Variants in AGMO observed in about 807,000 individuals in gnomAD.
AGMO encodes the protein alkylglycerol monooxygenase, also known as glyceryl-ether monooxygenase.
Under a neutral mutation model 60.2 loss-of-function variants are expected in AGMO, and 75 were observed. The ratio of observed to expected loss-of-function variants is 1.25; its 90% confidence interval spans 1.03 to 1.51. The LOEUF (loss-of-function observed/expected upper bound fraction) is 1.51. AGMO is among the 40% of genes most tolerant of loss of function. The pLI is 0.00. For missense variants in AGMO, 763 were observed against 525.5 expected (o/e 1.45, Z -4.42); for synonymous variants, 261 against 177.1 (o/e 1.47, Z -3.76).
At chr7:15,394,235 T>A in intron 5 of AGMO, 56 bp from the exon 6 acceptor site, 1 of 1,237,520 alleles carries the variant, frequency 8.1e-7, no homozygotes, top group Non-Finnish European at 1.2e-6. Context: ...TGTGTGTTAG[T>A]ATATAAATGC....
intron 12 of AGMO, among the ~76,000 whole-genome samples, chr7:15,234,145 G>A (rs1782346041): frequency 6.6e-6 from 1 of 152,146 alleles, no homozygotes; most frequent in Non-Finnish European, 1.5e-5. Context: ...CCGAAAATGA[G>A]ATTAAATATA....
intron 3 of AGMO, among the ~76,000 whole-genome samples, chr7:15,499,940 T>TAG (rs1783334098): frequency 6.8e-6 from 1 of 146,634 alleles, no homozygotes; most frequent in Non-Finnish European, 1.5e-5. Flanking sequence ...CACATATATA[T>TAG]ATATAATATA....
At position 15,560,282 on chromosome 7, in the gene AGMO, A is replaced by C. The variant is rs1583692688; in HGVS notation, c.127-11T>G. The C allele has an allele frequency of 6.2e-7, 1 of 1,610,740 alleles. No homozygotes were observed. Among genetic ancestry groups the C allele is most frequent in the South Asian group, 1.1e-5 (1 of 90,884 alleles). ...GAAAAATGGAGTTGCCTGGAAAGGA[A>C]GTTGCAGAAAAGAGATGCTATTATG... On this transcript the variant is annotated splice_polypyrimidine_tract_variant and intron_variant, in intron 1 of 12. Coordinates refer to ENST00000342526, the MANE Select transcript of AGMO (RefSeq NM_001004320.2).
At chr7:15,408,651 A>C (rs1784765212) in intron 5 of AGMO, among the ~76,000 whole-genome samples, 1 of 151,892 alleles carries the variant, frequency 6.6e-6, no homozygotes, top group Non-Finnish European at 1.5e-5. Flanking sequence ...ATGTAAAATC[A>C]ATGATATAGG....
intron 12 of AGMO, among the ~76,000 whole-genome samples, chr7:15,239,774 C>T (rs1160677263): frequency 6.6e-6 from 1 of 152,042 alleles, no homozygotes; most frequent in Non-Finnish European, 1.5e-5. Flanking sequence ...ATTAAGTACA[C>T]TTACATATTA....
chr7:15,248,415 T>C (rs1782831147), intron 12 of AGMO, among the ~76,000 whole-genome samples: 1 of 151,572 alleles, frequency 6.6e-6, no homozygotes. Flanking sequence ...TAGAATAGGT[T>C]ATCTAGACCA....
At chr7:15,226,324 T>C (rs1165482128) in intron 12 of AGMO, among the ~76,000 whole-genome samples, 1 of 152,090 alleles carries the variant, frequency 6.6e-6, no homozygotes, top group Non-Finnish European at 1.5e-5. Flanking sequence ...AGGTTCTGAA[T>C]TACAAGGACT....
At chr7:15,175,225 C>A in the AGMO span, among the ~76,000 whole-genome samples, 1 of 151,726 alleles carries the variant, frequency 6.6e-6, no homozygotes, top group South Asian at 2.1e-4. Flanking sequence ...GCAAACATAT[C>A]AATATATTCT....
intron 3 of AGMO, among the ~76,000 whole-genome samples, chr7:15,516,026 A>T (rs1027143825): frequency 2.6e-5 from 4 of 152,198 alleles, no homozygotes; most frequent in African/African-American, 9.6e-5. Context: ...GATGTAAATT[A>T]CTTTACTACA....
At chr7:15,472,469 A>G (rs1308061975) in intron 3 of AGMO, among the ~76,000 whole-genome samples, 1 of 151,838 alleles carries the variant, frequency 6.6e-6, no homozygotes, top group Non-Finnish European at 1.5e-5. Flanking sequence ...ACATAGAACA[A>G]CTCTGGAATC....
chr7:15,212,216 A>T (rs1781611363), intron 12 of AGMO, among the ~76,000 whole-genome samples: 1 of 150,826 alleles, frequency 6.6e-6, no homozygotes, highest in East Asian at 2.0e-4. Context: ...TATTCTATCC[A>T]TTCACTATTT....
intron 12 of AGMO, among the ~76,000 whole-genome samples, chr7:15,333,250 T>C (rs1168285735): frequency 6.6e-6 from 1 of 152,066 alleles, no homozygotes; most frequent in Non-Finnish European, 1.5e-5. Flanking sequence ...CACACTGAAA[T>C]TCTACAGAGA....
At chr7:15,271,067 T>C (rs952400831) in intron 12 of AGMO, among the ~76,000 whole-genome samples, 3 of 152,042 alleles carry the variant, frequency 2.0e-5, no homozygotes, top group Non-Finnish European at 4.4e-5. Flanking sequence ...TTCTAGTTAC[T>C]ACGGCCTTGT....
chr7:15,253,888 C>T (rs913353261), intron 12 of AGMO, among the ~76,000 whole-genome samples: 4 of 152,060 alleles, frequency 2.6e-5, no homozygotes, highest in African/African-American at 7.2e-5. Context: ...AACCATTATT[C>T]TGTTTTCAAT....
chr7:15,230,371 G>C (rs953308696), intron 12 of AGMO, among the ~76,000 whole-genome samples: 4 of 152,032 alleles, frequency 2.6e-5, no homozygotes, highest in African/African-American at 9.7e-5. Flanking sequence ...ATACAATCGA[G>C]GAGTTCATCT....
chr7:15,299,886 C>CACACACACACACACACACACA (rs774065679), intron 12 of AGMO, among the ~76,000 whole-genome samples: 1 of 114,642 alleles, frequency 8.7e-6, no homozygotes, highest in East Asian at 2.3e-4. Context: ...CACACACACA[C>CACACACACACACACACACACA]AGTATGTTTT....
intron 3 of AGMO, among the ~76,000 whole-genome samples, chr7:15,450,552 A>G (rs993529438): frequency 6.6e-6 from 1 of 152,202 alleles, no homozygotes; most frequent in Non-Finnish European, 1.5e-5. Flanking sequence ...ACTTTTATGT[A>G]GAAAGAAAGG....
intron 12 of AGMO, among the ~76,000 whole-genome samples, chr7:15,282,927 T>G (rs1275433056): frequency 6.6e-6 from 1 of 152,134 alleles, no homozygotes; most frequent in Non-Finnish European, 1.5e-5. Context: ...AGTATTAAGG[T>G]CTTATCTTTA....
intron 12 of AGMO, among the ~76,000 whole-genome samples, chr7:15,240,596 A>C (rs1337224545): frequency 6.6e-6 from 1 of 152,180 alleles, no homozygotes; most frequent in Non-Finnish European, 1.5e-5. Flanking sequence ...AAAAAGCAAA[A>C]TCAACCTGAG....
Sources: allele counts gnomAD v4.1 joint callset (sites outside exome capture counted in the v4.1 genomes callset), GRCh38; gene constraint gnomAD v4.1.1; transcripts MANE v1.5; gene names NCBI Gene and HGNC (gene_info 2026-07-23, HGNC 2026-07-21).